The following DPP6 variants were observed in gnomAD, a reference collection of about 807,000 sequenced individuals.
The protein encoded by DPP6 is dipeptidyl peptidase like 6.
In DPP6, 69 loss-of-function variants were observed where a neutral mutation model predicts 122.6. That is an observed-to-expected ratio of 0.56 (90% CI 0.46 to 0.69). DPP6 has a LOEUF of 0.69. Among genes scored for constraint, DPP6 ranks in the 30% least tolerant of loss-of-function variants. The pLI is 0.00. For synonymous variants in DPP6, 418 were observed against 433.1 expected, an observed-to-expected ratio of 0.97 and a Z score of 0.43; for missense variants, 928 against 1,116.9, an observed-to-expected ratio of 0.83 and a Z score of 2.41.
chr7:154,208,794 C>T (rs970162028), intron 1 of DPP6, among the ~76,000 whole-genome samples: 2 of 152,080 alleles, frequency 1.3e-5, no homozygotes, highest in Non-Finnish European at 2.9e-5. Flanking sequence ...AGGGCAGCCT[C>T]AGTCTGGATC....
At chr7:154,531,004 C>T (rs1456572426) in intron 3 of DPP6, among the ~76,000 whole-genome samples, 1 of 151,890 alleles carries the variant, frequency 6.6e-6, no homozygotes, top group Non-Finnish European at 1.5e-5. Context: ...TGAGGGGAGG[C>T]GTTGGGGGAG....
chr7:154,360,290 C>T (rs368063824), intron 1 of DPP6, among the ~76,000 whole-genome samples: 1 of 152,174 alleles, frequency 6.6e-6, no homozygotes, highest in African/African-American at 2.4e-5. Flanking sequence ...CATCTCTAGA[C>T]CTCCAATTCC....
At chr7:154,422,072 A>C (rs1817514246) in intron 1 of DPP6, among the ~76,000 whole-genome samples, 1 of 152,240 alleles carries the variant, frequency 6.6e-6, no homozygotes, top group Non-Finnish European at 1.5e-5. Flanking sequence ...CCTTTGGCCC[A>C]AGGGAGCAGT....
intron 3 of DPP6, among the ~76,000 whole-genome samples, chr7:154,477,718 A>C (rs1276256580): frequency 1.3e-5 from 2 of 152,150 alleles, no homozygotes; most frequent in Non-Finnish European, 2.9e-5. Context: ...CAAAGCTGGG[A>C]GTTAATACAC....
chr7:154,498,841 T>C (rs1374916370), intron 3 of DPP6, among the ~76,000 whole-genome samples: 1 of 152,102 alleles, frequency 6.6e-6, no homozygotes, highest in Non-Finnish European at 1.5e-5. Flanking sequence ...GCTGTAAAAA[T>C]CAGAAAGTCT....
At chr7:153,839,375 G>C in the DPP6 span, among the ~76,000 whole-genome samples, 2 of 152,180 alleles carry the variant, frequency 1.3e-5, no homozygotes, top group African/African-American at 4.8e-5. Context: ...TTTCTTTGCT[G>C]AGACCTTGAG....
Position 154,794,146 on chromosome 7 carries a change from G to A in DPP6, c.1204G>A (p.Ala402Thr). Residue 402 changes from alanine to threonine, a missense_variant, in exon 11 of 26, where the codon GCG (alanine) becomes ACG (threonine). Transcript: ENST00000377770. Reference sequence around the variant, plus strand: ...GGTCGCCGTGACCTGGCTGAACCGGGCGCAGAACGTGTCCATCCTCACCCT... The same window carrying A: ...GGTCGCCGTGACCTGGCTGAACCGGACGCAGAACGTGTCCATCCTCACCCT... ...TKVAVTWLNR[A>T]QNVSILTLCD... The A allele has an allele frequency of 6.2e-7, 1 of 1,613,294 alleles. No individual in the cohort carries two copies. The highest frequency in any genetic ancestry group is 8.5e-7 in the Non-Finnish European group (1 of 1,179,610).
the DPP6 span, among the ~76,000 whole-genome samples, chr7:153,772,133 G>T: frequency 6.6e-6 from 1 of 152,152 alleles, no homozygotes; most frequent in Non-Finnish European, 1.5e-5. Flanking sequence ...GCCCGGGCTG[G>T]AGTCTAGTGG....
At chr7:154,521,190 T>C (rs1308710167) in intron 3 of DPP6, among the ~76,000 whole-genome samples, 1 of 152,206 alleles carries the variant, frequency 6.6e-6, no homozygotes, top group Non-Finnish European at 1.5e-5. Flanking sequence ...TGATAACACA[T>C]TTCTGAGGAT....
intron 1 of DPP6, among the ~76,000 whole-genome samples, chr7:154,202,049 C>G (rs1039954422): frequency 2.4e-4 from 36 of 152,148 alleles, no homozygotes; most frequent in African/African-American, 8.2e-4. Flanking sequence ...AAAAGTGGAG[C>G]TACGACTAGT....
intron 1 of DPP6, among the ~76,000 whole-genome samples, chr7:154,044,986 A>G (rs535041152): frequency 1.4e-3 from 206 of 152,286 alleles, no homozygotes; most frequent in African/African-American, 4.8e-3. Context: ...CTGCTAAGGT[A>G]CAAAATCAGA....
intron 3 of DPP6, among the ~76,000 whole-genome samples, chr7:154,477,781 C>T (rs1822883198): frequency 6.6e-6 from 1 of 152,196 alleles, no homozygotes; most frequent in Admixed American, 6.5e-5. Context: ...CTGCCTGTAT[C>T]ATCAGGTTAT....
intron 1 of DPP6, among the ~76,000 whole-genome samples, chr7:154,262,844 A>G (rs1803125330): frequency 1.3e-5 from 2 of 152,232 alleles, no homozygotes; most frequent in South Asian, 2.1e-4. Flanking sequence ...AGATACCCTT[A>G]TGGTTTAACT....
At position 154,282,307 on chromosome 7, in the gene DPP6, A is replaced by G. The variant is rs946587628; in HGVS notation, c.244-163907A>G. Among the ~76,000 whole-genome samples, 3 of 152,134 alleles carry G rather than the reference A, an allele frequency of 2.0e-5. No individual in the cohort carries two copies. The highest frequency in any genetic ancestry group is 7.2e-5 in the African/African-American group (3 of 41,424). ...AATTCAATAGCCTGCATGCAGGGAC[A>G]TGCTTCTCAGGTGGCCTCTGGATAC... On this transcript the variant is annotated intron_variant, in intron 1 of 25. Coordinates refer to ENST00000377770, the MANE Select transcript of DPP6 (RefSeq NM_130797.4). This position sits in a 1 kb window ranked among gnomAD's most constrained non-coding sequence, Gnocchi z 4.8.
At position 154,241,332 on chromosome 7, in the gene DPP6, G is replaced by C. The variant is rs566282941; in HGVS notation, c.243+188269G>C. Among the ~76,000 whole-genome samples, 1 of 152,104 alleles carries C rather than the reference G, an allele frequency of 6.6e-6. No homozygotes were observed. Among genetic ancestry groups the C allele is most frequent in the Non-Finnish European group, 1.5e-5 (1 of 67,986 alleles). On this transcript the variant is annotated intron_variant, in intron 1 of 25. Coordinates refer to ENST00000377770, the MANE Select transcript of DPP6 (RefSeq NM_130797.4). This position sits in a 1 kb window ranked among gnomAD's most constrained non-coding sequence, Gnocchi z 9.0. The stretch of plus-strand genomic sequence containing the variant: ...TTCCATTAAAATGTACTAAATAGGA[G>C]AGTACCTTCCTGTGTTTCCCTGTTT...
chr7:154,635,435 T>C (rs1234652181), intron 5 of DPP6, among the ~76,000 whole-genome samples: 13 of 152,234 alleles, frequency 8.5e-5, no homozygotes, highest in Admixed American at 8.5e-4. Context: ...GGAATTTATC[T>C]GTTTGCTTTA....
At chr7:154,073,894 G>A (rs1423065489) in intron 1 of DPP6, among the ~76,000 whole-genome samples, 1 of 152,194 alleles carries the variant, frequency 6.6e-6, no homozygotes, top group Non-Finnish European at 1.5e-5. Context: ...GCTGAGGCAG[G>A]AGAATTGCTT....
chr7:154,438,210 G>GT (rs1819032677), intron 1 of DPP6, among the ~76,000 whole-genome samples: 1 of 152,042 alleles, frequency 6.6e-6, no homozygotes, highest in Non-Finnish European at 1.5e-5. Context: ...GCAAATGCCT[G>GT]TAATCCCAGA....
intron 1 of DPP6, among the ~76,000 whole-genome samples, chr7:154,268,626 A>G (rs969136917): frequency 3.3e-5 from 5 of 152,152 alleles, no homozygotes; most frequent in African/African-American, 7.2e-5. Flanking sequence ...ACAGCCTACA[A>G]TCAAGTTCTA....
Sources: allele counts gnomAD v4.1 joint callset (sites outside exome capture counted in the v4.1 genomes callset), GRCh38; gene constraint gnomAD v4.1.1; non-coding constraint Gnocchi (gnomAD v3.1); transcripts MANE v1.5; gene names NCBI Gene and HGNC (gene_info 2026-07-23, HGNC 2026-07-21).